Variants in CDH12 observed in about 807,000 individuals in gnomAD.
CDH12 encodes cadherin 12.
In CDH12, 41 loss-of-function variants were observed where a neutral mutation model predicts 74.1. The observed-to-expected ratio is 0.55, with a 90% CI of 0.43 to 0.72. CDH12 has a LOEUF of 0.72. Ranked by LOEUF, CDH12 falls within the 30% of genes least tolerant of loss-of-function variation. CDH12 has a pLI of 0.00. For missense variants in CDH12, 945 were observed against 977.2 expected (o/e 0.97, Z 0.44); for synonymous variants, 399 against 355.0 (o/e 1.12, Z -1.39).
At chr5:22,154,425 CATATATAGTGAATAT>C (rs1747859200) in intron 4 of CDH12, among the ~76,000 whole-genome samples, 1 of 140,652 alleles carries the variant, frequency 7.1e-6, no homozygotes, top group Admixed American at 7.3e-5. Context: ...CACACATATA[CATATATAGTGAATAT>C]ATACACATAT....
chr5:22,095,399 G>A (rs1392062984), intron 4 of CDH12, among the ~76,000 whole-genome samples: 1 of 152,110 alleles, frequency 6.6e-6, no homozygotes, highest in Non-Finnish European at 1.5e-5. Flanking sequence ...GACTCGGGAA[G>A]GCAGCCTTCC....
At chr5:22,192,945 G>C (rs909251328) in intron 4 of CDH12, among the ~76,000 whole-genome samples, 11 of 152,172 alleles carry the variant, frequency 7.2e-5, no homozygotes, top group Admixed American at 3.3e-4. Context: ...CTTAAAAGAG[G>C]TGCAGTAGGT....
At chr5:22,147,472 G>GT (rs2150305459) in intron 4 of CDH12, among the ~76,000 whole-genome samples, 2 of 151,972 alleles carry the variant, frequency 1.3e-5, no homozygotes, top group South Asian at 4.2e-4. Context: ...AAAGAAAATC[G>GT]TATCTCCAAG....
chr5:22,364,572 A>C (rs937967905), intron 3 of CDH12, among the ~76,000 whole-genome samples: 13 of 152,140 alleles, frequency 8.5e-5, no homozygotes, highest in Non-Finnish European at 1.6e-4. Context: ...AAATAAGTGA[A>C]GGAGAATGGG....
intron 5 of CDH12, among the ~76,000 whole-genome samples, chr5:22,027,191 T>G (rs903593707): frequency 6.6e-6 from 1 of 152,154 alleles, no homozygotes; most frequent in Non-Finnish European, 1.5e-5. Flanking sequence ...ATAAGCTTTT[T>G]GATGTGCTGC....
chr5:22,234,218 A>G (rs1468801954), intron 3 of CDH12, among the ~76,000 whole-genome samples: 1 of 152,188 alleles, frequency 6.6e-6, no homozygotes, highest in Non-Finnish European at 1.5e-5. Context: ...AAACATACAG[A>G]GGGAGTTATA....
chr5:22,218,683 C>A (rs1751909104), intron 3 of CDH12, among the ~76,000 whole-genome samples: 1 of 151,516 alleles, frequency 6.6e-6, no homozygotes, highest in South Asian at 2.1e-4. Context: ...TGTGTCAAAA[C>A]CCATCTAATT....
At chr5:22,140,387 C>G (rs1447966399) in intron 4 of CDH12, among the ~76,000 whole-genome samples, 1 of 151,870 alleles carries the variant, frequency 6.6e-6, no homozygotes, top group East Asian at 1.9e-4. Flanking sequence ...CAAAAGAATG[C>G]CACACAATAA....
At chr5:22,611,944 A>C (rs1737424718) in intron 1 of CDH12, among the ~76,000 whole-genome samples, 1 of 152,140 alleles carries the variant, frequency 6.6e-6, no homozygotes. Context: ...TTCCAATTTA[A>C]ACCAATGTAT....
In CDH12 at chr5:21,964,192, C is replaced by A. The variant is rs115450900; in HGVS notation, c.526+10899G>T. On this transcript the variant is annotated intron_variant, in intron 6 of 14. Coordinates refer to ENST00000382254, the MANE Select transcript of CDH12 (RefSeq NM_004061.5). ...GGATAGAGAAAAGTAATTGAAGATA[C>A]CCACTTCAACTCTAAATCCCCACAG... Among the ~76,000 whole-genome samples, 10 of 152,022 alleles carry A rather than the reference C, an allele frequency of 6.6e-5. No homozygotes were observed. In the South Asian group the frequency reaches 1.2e-3, roughly 19 times the overall value.
At chr5:21,944,736 G>A (rs1755491974) in intron 6 of CDH12, among the ~76,000 whole-genome samples, 1 of 152,042 alleles carries the variant, frequency 6.6e-6, no homozygotes, top group Non-Finnish European at 1.5e-5. Context: ...CCCCTCCCTG[G>A]TGTCAGTGGA....
intron 3 of CDH12, among the ~76,000 whole-genome samples, chr5:22,298,611 A>G (rs1273135679): frequency 6.6e-6 from 1 of 152,154 alleles, no homozygotes; most frequent in Non-Finnish European, 1.5e-5. Flanking sequence ...TAAAACTAAT[A>G]TCTTCTCAAG....
chr5:22,529,274 A>C (rs1403953905), intron 1 of CDH12, among the ~76,000 whole-genome samples: 1 of 150,816 alleles, frequency 6.6e-6, no homozygotes, highest in African/African-American at 2.4e-5. Context: ...ATGATAATGG[A>C]GGCTGATGAG....
At chr5:22,139,013 C>CTATA (rs897822181) in intron 4 of CDH12, among the ~76,000 whole-genome samples, 18 of 150,612 alleles carry the variant, frequency 1.2e-4, no homozygotes, top group Admixed American at 6.0e-4. Context: ...CCAGGTACTC[C>CTATA]TATAACTTTT....
intron 3 of CDH12, among the ~76,000 whole-genome samples, chr5:22,329,965 G>C (rs981846491): frequency 6.6e-6 from 1 of 152,212 alleles, no homozygotes; most frequent in African/African-American, 2.4e-5. Context: ...CAAGTGCTAG[G>C]CTGGGCTTAG....
chr5:22,552,160 A>T (rs1202305440), intron 1 of CDH12, among the ~76,000 whole-genome samples: 1 of 152,110 alleles, frequency 6.6e-6, no homozygotes. Flanking sequence ...TAATTTTATT[A>T]TGTTGAGACT....
chr5:22,072,195 G>A (rs932409855), intron 5 of CDH12, among the ~76,000 whole-genome samples: 2 of 151,880 alleles, frequency 1.3e-5, no homozygotes, highest in Non-Finnish European at 2.9e-5. Flanking sequence ...ATCCTCAAAC[G>A]AGGCATTTTA....
chr5:22,571,949 T>G (rs1705284799), intron 1 of CDH12, among the ~76,000 whole-genome samples: 1 of 152,170 alleles, frequency 6.6e-6, no homozygotes, highest in African/African-American at 2.4e-5. Flanking sequence ...TTTGAAATAT[T>G]GCAAGAATTA....
intron 4 of CDH12, among the ~76,000 whole-genome samples, chr5:22,138,847 T>TATATATATATATAC (rs1458172896): frequency 9.8e-6 from 1 of 101,886 alleles, no homozygotes; most frequent in African/African-American, 4.0e-5. Flanking sequence ...ATATACGTAA[T>TATATATATATATAC]ATATATATAT....
Sources: gnomAD v4.1 joint callset for allele counts (sites outside exome capture counted in the v4.1 genomes callset) on GRCh38, gnomAD v4.1.1 for gene constraint, MANE v1.5 for transcripts, NCBI Gene and HGNC (gene_info 2026-07-23, HGNC 2026-07-21) for gene names.